Variants in GRM7 observed in about 807,000 individuals in gnomAD.
The protein encoded by GRM7 is glutamate metabotropic receptor 7.
GRM7 carries 35 observed loss-of-function variants against 84.5 expected under a neutral mutation model. The ratio of observed to expected loss-of-function variants is 0.41; its 90% CI spans 0.32 to 0.55. The LOEUF is 0.55. Among genes scored for constraint, GRM7 ranks in the 20% least tolerant of loss-of-function variants. The pLI is 0.19. For missense variants in GRM7, 1,003 were observed against 1,194.6 expected, an observed-to-expected ratio of 0.84 and a Z score of 2.36; for synonymous variants, 487 against 455.1, an observed-to-expected ratio of 1.07 and a Z score of -0.89.
At chr3:6,907,100 C>G (rs1003989051) in intron 1 of GRM7, among the ~76,000 whole-genome samples, 7 of 152,056 alleles carry the variant, frequency 4.6e-5, no homozygotes, top group African/African-American at 1.4e-4. Context: ...GATACAGTGT[C>G]TTGCCGTGTT....
At chr3:6,961,783 C>T (rs780062285) in intron 1 of GRM7, among the ~76,000 whole-genome samples, 6 of 152,110 alleles carry the variant, frequency 3.9e-5, no homozygotes, top group Non-Finnish European at 8.8e-5. Flanking sequence ...GTAGACCCTC[C>T]CTTCTGTCCC....
chr3:6,875,368 G>T (rs1695264649), intron 1 of GRM7, among the ~76,000 whole-genome samples: 1 of 152,068 alleles, frequency 6.6e-6, no homozygotes, highest in Non-Finnish European at 1.5e-5. Context: ...GCCAGGTAGA[G>T]GTAAATTGAA....
At chr3:7,111,832 C>CG (rs1481348243) in intron 1 of GRM7, among the ~76,000 whole-genome samples, 1 of 152,096 alleles carries the variant, frequency 6.6e-6, no homozygotes, top group Non-Finnish European at 1.5e-5. Flanking sequence ...AGCCTCATTT[C>CG]TTTTTCTCCA....
At chr3:6,865,784 A>G (rs1289804137) in intron 1 of GRM7, among the ~76,000 whole-genome samples, 1 of 152,066 alleles carries the variant, frequency 6.6e-6, no homozygotes, top group Non-Finnish European at 1.5e-5. Context: ...CTCCATCGTA[A>G]TCCGATAGAG....
At chr3:7,150,557 T>A (rs528737049) in intron 2 of GRM7, among the ~76,000 whole-genome samples, 3 of 152,338 alleles carry the variant, frequency 2.0e-5, no homozygotes, top group South Asian at 4.1e-4. Context: ...ATACTTTTCC[T>A]TGTTGAACTT....
At chr3:6,944,970 C>A (rs1698010820) in intron 1 of GRM7, among the ~76,000 whole-genome samples, 1 of 152,052 alleles carries the variant, frequency 6.6e-6, no homozygotes, top group Admixed American at 6.6e-5. Context: ...TCTGTAGAAT[C>A]TATAGTTATG....
At chr3:6,882,680 C>T (rs910423167) in intron 1 of GRM7, among the ~76,000 whole-genome samples, 4 of 152,148 alleles carry the variant, frequency 2.6e-5, no homozygotes, top group East Asian at 3.8e-4. Flanking sequence ...ATATATAATA[C>T]TTTTAATTAT....
intron 4 of GRM7, among the ~76,000 whole-genome samples, chr3:7,408,225 G>A (rs993364696): frequency 3.3e-5 from 5 of 151,832 alleles, no homozygotes; most frequent in African/African-American, 7.3e-5. Context: ...AAGTATATTC[G>A]GATTACATAA....
At chr3:7,247,602 TAAA>T (rs1223872815) in intron 2 of GRM7, among the ~76,000 whole-genome samples, 5 of 102,614 alleles carry the variant, frequency 4.9e-5, no homozygotes, top group African/African-American at 1.4e-4. Flanking sequence ...TCTTTTTTTT[TAAA>T]AAAAAAAAAA....
chr3:7,557,475 C>T (rs1559401083), intron 7 of GRM7, among the ~76,000 whole-genome samples: 1 of 151,956 alleles, frequency 6.6e-6, no homozygotes, highest in East Asian at 1.9e-4. Context: ...ATGTATTGAG[C>T]GAGGAAGAAA....
chr3:7,154,067 C>G (rs1420750331), intron 2 of GRM7, among the ~76,000 whole-genome samples: 1 of 152,138 alleles, frequency 6.6e-6, no homozygotes, highest in Non-Finnish European at 1.5e-5. Context: ...TTGAATGTTG[C>G]AAGAGAAATA....
intron 1 of GRM7, among the ~76,000 whole-genome samples, chr3:7,136,936 T>C (rs924158752): frequency 7.2e-5 from 11 of 152,122 alleles, no homozygotes; most frequent in African/African-American, 2.7e-4. Flanking sequence ...AACTACCATG[T>C]TCCAGAAGAA....
intron 2 of GRM7, among the ~76,000 whole-genome samples, chr3:7,267,893 CTA>C (rs1698704519): frequency 6.6e-6 from 1 of 151,764 alleles, no homozygotes; most frequent in African/African-American, 2.4e-5. Flanking sequence ...GAGTCAAATT[CTA>C]TGTTTTTTTT....
intron 9 of GRM7, among the ~76,000 whole-genome samples, chr3:7,699,834 T>C (rs1240300077): frequency 1.3e-5 from 2 of 152,168 alleles, no homozygotes; most frequent in East Asian, 3.9e-4. Flanking sequence ...AGTTATCTGA[T>C]CCCAGAAGAA....
chr3:7,407,412 G>A (rs574404569), intron 4 of GRM7, among the ~76,000 whole-genome samples: 1 of 152,282 alleles, frequency 6.6e-6, no homozygotes, highest in East Asian at 1.9e-4. Context: ...ACTGCACATA[G>A]CATAGGAAAA....
chr3:7,306,739 C>T lies in GRM7; in HGVS notation c.1033+87C>T, dbSNP rs1700207509. ...AGCATGTGACTTTTTAGGGGTTTGGCATTTTTACCAAACTCATGTGGGGTT... is the reference window on the plus strand; with the variant it reads ...AGCATGTGACTTTTTAGGGGTTTGGTATTTTTACCAAACTCATGTGGGGTT... On this transcript the variant is annotated intron_variant, in intron 4 of 9. Coordinates refer to ENST00000357716, the MANE Select transcript of GRM7 (RefSeq NM_000844.4). 5.2e-6 allele frequency: 6 copies of T among 1,150,478 alleles called. No individual in the cohort carries two copies. The South Asian group carries it at 6.5e-5, about 12-fold the overall frequency. 71.3% of individuals were successfully genotyped at this position (1,150,478 alleles called of 1,614,324 possible). A position where few individuals can be genotyped will look rare whatever the true frequency, so the allele number is the denominator to read the frequency against.
At chr3:7,181,210 C>A (rs1205050242) in intron 2 of GRM7, among the ~76,000 whole-genome samples, 2 of 152,142 alleles carry the variant, frequency 1.3e-5, no homozygotes, top group African/African-American at 2.4e-5. Flanking sequence ...TACCCAATGG[C>A]CTTCATAATG....
chr3:7,065,255 G>A (rs1377977695), intron 1 of GRM7, among the ~76,000 whole-genome samples: 3 of 151,784 alleles, frequency 2.0e-5, no homozygotes, highest in Non-Finnish European at 4.4e-5. Context: ...TGGTCATGAA[G>A]TCCTTGCCTA....
chr3:7,217,841 G>A (rs1696666532), intron 2 of GRM7, among the ~76,000 whole-genome samples: 1 of 132,986 alleles, frequency 7.5e-6, no homozygotes, highest in African/African-American at 2.9e-5. Flanking sequence ...GTATATGTGT[G>A]TGTATATATT....
Sources: gnomAD v4.1 joint callset for allele counts (sites outside exome capture counted in the v4.1 genomes callset) on GRCh38, gnomAD v4.1.1 for gene constraint, MANE v1.5 for transcripts, NCBI Gene and HGNC (gene_info 2026-07-23, HGNC 2026-07-21) for gene names.